Variants in CAMK2B observed in about 807,000 individuals in gnomAD.
CAMK2B encodes the protein calcium/calmodulin dependent protein kinase II beta, also known as calcium/calmodulin-dependent protein kinase type II subunit beta.
A neutral mutation model predicts 93.7 loss-of-function variants in CAMK2B; 27 were observed. The ratio of observed to expected loss-of-function variants is 0.29; its 90% CI spans 0.21 to 0.40. The LOEUF is 0.40. CAMK2B is among the 10% of genes least tolerant of loss of function. The probability of loss-of-function intolerance (pLI) is 1.00; values close to 1 mark genes in which losing one functional copy is unlikely to be tolerated. For missense variants in CAMK2B, 568 were observed against 895.8 expected (o/e 0.63, Z 4.67); for synonymous variants, 374 against 358.8 (o/e 1.04, Z -0.48).
At chr7:44,244,933 T>C (rs1584125898) in intron 6 of CAMK2B, 1 of 456,090 alleles carries the variant, frequency 2.2e-6, no homozygotes, top group Non-Finnish European at 4.4e-6. Flanking sequence ...CGCATCCGTG[T>C]CCACCGAGCA....
chr7:44,265,035 G>C (rs2096911173), intron 2 of CAMK2B, among the ~76,000 whole-genome samples: 1 of 152,150 alleles, frequency 6.6e-6, no homozygotes, highest in African/African-American at 2.4e-5. Flanking sequence ...TCAGGGTGCA[G>C]GACGGTGAGT....
intron 13 of CAMK2B, 110 bp from the exon 14 acceptor site, chr7:44,234,786 G>A: frequency 1.7e-6 from 2 of 1,194,936 alleles, no homozygotes; most frequent in Non-Finnish European, 2.4e-6. Flanking sequence ...CAAGCCCAGG[G>A]TCCTGAGGCA....
intron 15 of CAMK2B, among the ~76,000 whole-genome samples, chr7:44,233,532 G>A (rs1046024256): frequency 6.6e-6 from 1 of 152,152 alleles, no homozygotes. Flanking sequence ...GTTCTCAGGG[G>A]ACACCAAGCC....
intron 4 of CAMK2B, among the ~76,000 whole-genome samples, 176 bp downstream of exon 4, chr7:44,258,696 C>G (rs540262894): frequency 6.6e-6 from 1 of 152,102 alleles, no homozygotes; most frequent in East Asian, 1.9e-4. Flanking sequence ...TGAGGGGAGG[C>G]GAGGGAAGCT....
intron 1 of CAMK2B, among the ~76,000 whole-genome samples, chr7:44,302,639 G>A (rs1002769333): frequency 7.9e-5 from 12 of 152,062 alleles, no homozygotes; most frequent in Non-Finnish European, 1.5e-4. Flanking sequence ...CGTCAACAAG[G>A]TAAAGAGGAA....
In CAMK2B at chr7:44,271,541, G is replaced by A. The variant is rs1011672982; in HGVS notation, c.161-8477C>T. On this transcript the variant is annotated intron_variant, in intron 2 of 23. Coordinates refer to ENST00000395749, the MANE Select transcript of CAMK2B (RefSeq NM_001220.5). The surrounding 1 kb of genome is among the most constrained non-coding windows in gnomAD (Gnocchi z 4.2). ...AAAGTGGGCATTGGCTGTGGGGTGGGGCAGGCAGAGGCCAGCTCACATCTT... is the reference window on the plus strand; with the variant it reads ...AAAGTGGGCATTGGCTGTGGGGTGGAGCAGGCAGAGGCCAGCTCACATCTT... Among the ~76,000 whole-genome samples the A allele has an allele frequency of 1.3e-5, 2 of 152,160 alleles. No homozygotes were observed. Among genetic ancestry groups the A allele is most frequent in the African/African-American group, 4.8e-5 (2 of 41,452 alleles).
At chr7:44,262,752 G>A (rs899555313) in intron 3 of CAMK2B, among the ~76,000 whole-genome samples, 1 of 152,172 alleles carries the variant, frequency 6.6e-6, no homozygotes, top group African/African-American at 2.4e-5. Context: ...GTCGGGTGGA[G>A]CTGGGCACCC....
At chr7:44,273,611 C>T (rs1427091700) in intron 2 of CAMK2B, among the ~76,000 whole-genome samples, 1 of 152,194 alleles carries the variant, frequency 6.6e-6, no homozygotes, top group South Asian at 2.1e-4. Flanking sequence ...TCTCCATAGA[C>T]ACCAGCTTGG....
chr7:44,251,790 G>C (rs774007675), intron 5 of CAMK2B, among the ~76,000 whole-genome samples: 5 of 152,312 alleles, frequency 3.3e-5, no homozygotes, highest in African/African-American at 4.8e-5. Context: ...AGAGGAGATG[G>C]GGAGACCTGG....
In CAMK2B at chr7:44,243,346, G is replaced by T. The variant is rs756377075; in HGVS notation, c.518-13C>A. 11 of 1,613,504 alleles carry T rather than the reference G, an allele frequency of 6.8e-6. No individual in the cohort carries two copies. The East Asian group carries it at 2.5e-4, about 36-fold the overall frequency. On this transcript the variant is annotated splice_polypyrimidine_tract_variant and intron_variant, in intron 7 of 23. Transcript: ENST00000395749. The stretch of plus-strand genomic sequence containing the variant: ...GTGCCAGCGAAACCTAGAGAGAGGG[G>T]AAGAGGCCACAAGGGGCTGTCAGCA...
chr7:44,226,746 G>A, intron 19 of CAMK2B, 102 bp from the exon 20 acceptor site: 1 of 824,368 alleles, frequency 1.2e-6, no homozygotes, highest in Non-Finnish European at 1.7e-6. Context: ...GGGGCACAGA[G>A]GCAGATGTGG....
rs2096360250 is a variant in CAMK2B, at chr7:44,218,073, A to C, written c.*1452T>G. ...TCTGTCCCCAGCCCGCCTTATCTCC[A>C]TAGCTGCATCCCTGGCCCACCTAGA... On this transcript the variant is annotated 3_prime_UTR_variant, in exon 24 of 24. Coordinates refer to ENST00000395749, the MANE Select transcript of CAMK2B (RefSeq NM_001220.5). 6.5e-6 allele frequency: 1 copy of C among 152,880 alleles called. No homozygotes were observed. Among genetic ancestry groups the C allele is most frequent in the Non-Finnish European group, 1.5e-5 (1 of 68,640 alleles). 9.5% of individuals were successfully genotyped at this position (152,880 alleles called of 1,614,324 possible). A position where few individuals can be genotyped will look rare whatever the true frequency, so the allele number is the denominator to read the frequency against.
chr7:44,322,637 G>T (rs1019073541), intron 1 of CAMK2B, among the ~76,000 whole-genome samples: 1 of 152,270 alleles, frequency 6.6e-6, no homozygotes, highest in Admixed American at 6.5e-5. Context: ...GCCCTGCCAG[G>T]CTGAGCAGGG....
intron 10 of CAMK2B, 37 bp downstream of exon 10, chr7:44,242,181 A>G: frequency 6.3e-7 from 1 of 1,594,726 alleles, no homozygotes; most frequent in South Asian, 1.1e-5. Context: ...CTCCACCAGG[A>G]GCCCCCTCCC....
intron 10 of CAMK2B, among the ~76,000 whole-genome samples, chr7:44,242,004 G>A (rs941380518): frequency 6.6e-6 from 1 of 152,166 alleles, no homozygotes; most frequent in Admixed American, 6.5e-5. Context: ...TTGGGAGGAA[G>A]GGATCACCTC....
At chr7:44,249,646 T>G (rs563832409) in intron 5 of CAMK2B, among the ~76,000 whole-genome samples, 2 of 152,172 alleles carry the variant, frequency 1.3e-5, no homozygotes, top group African/African-American at 4.8e-5. Context: ...TGGAGTGATA[T>G]GTGCAGAGCT....
chr7:44,259,615 T>C (rs1294634481), intron 3 of CAMK2B: 2 of 152,532 alleles, frequency 1.3e-5, no homozygotes, highest in Non-Finnish European at 2.9e-5. Flanking sequence ...CCTGGAACTC[T>C]GCCTGGCGCA....
intron 2 of CAMK2B, chr7:44,267,157 AC>A (rs1387526475): frequency 1.3e-5 from 2 of 152,094 alleles, no homozygotes; most frequent in Admixed American, 1.3e-4. Context: ...AGGGGACCTC[AC>A]CCCATCAAGA....
intron 19 of CAMK2B, among the ~76,000 whole-genome samples, chr7:44,228,203 G>A (rs577853909): frequency 1.3e-5 from 2 of 152,130 alleles, no homozygotes; most frequent in South Asian, 4.1e-4. Flanking sequence ...AGGAGGCCTG[G>A]CCTGGCCCCA....
Sources: gnomAD v4.1 joint callset for allele counts (sites outside exome capture counted in the v4.1 genomes callset) on GRCh38, gnomAD v4.1.1 for gene constraint, Gnocchi (gnomAD v3.1) non-coding constraint, MANE v1.5 for transcripts, NCBI Gene and HGNC (gene_info 2026-07-23, HGNC 2026-07-21) for gene names.